The following RAB6A variants were observed in gnomAD, a reference collection of about 807,000 sequenced individuals.
RAB6A encodes the protein ras-related protein Rab-6A.
Under a neutral mutation model 32.3 loss-of-function variants are expected in RAB6A, and 8 were observed. The observed-to-expected ratio is 0.25, with a 90% CI of 0.15 to 0.45. The LOEUF (loss-of-function observed/expected upper bound fraction) is 0.45. Among genes scored for constraint, RAB6A ranks in the 20% least tolerant of loss-of-function variants. The probability of loss-of-function intolerance (pLI) is 1.00; values close to 1 mark genes in which losing one functional copy is unlikely to be tolerated. For synonymous variants in RAB6A, 73 were observed against 82.1 expected (o/e 0.89, Z 0.60); for missense variants, 104 against 249.4 (o/e 0.42, Z 3.93).
intron 5 of RAB6A, among the ~76,000 whole-genome samples, chr11:73,709,963 T>TA (rs200611952): frequency 0.27 from 13,152 of 49,404 alleles, 697 homozygotes; most frequent in South Asian, 0.49. Flanking sequence ...ATATATATAT[T>TA]TTTTTTTTTT....
chr11:73,735,833 A>G (rs1204609529), intron 1 of RAB6A, among the ~76,000 whole-genome samples: 1 of 151,646 alleles, frequency 6.6e-6, no homozygotes, highest in Non-Finnish European at 1.5e-5. Flanking sequence ...TTTTGCTGCT[A>G]ATATCAAACC....
intron 1 of RAB6A, among the ~76,000 whole-genome samples, chr11:73,736,590 G>T (rs1479453114): frequency 6.6e-6 from 1 of 151,132 alleles, no homozygotes; most frequent in Non-Finnish European, 1.5e-5. Context: ...TCAGGAGTTT[G>T]AGACCAGCCT....
chr11:73,729,133 C>CT (rs1946267558), intron 2 of RAB6A, among the ~76,000 whole-genome samples: 3 of 152,146 alleles, frequency 2.0e-5, no homozygotes, highest in Admixed American at 2.0e-4. Context: ...GAGTCTCACT[C>CT]TGTCACCCAG....
chr11:73,717,577 T>G (rs1407321215), intron 4 of RAB6A, among the ~76,000 whole-genome samples: 4 of 152,196 alleles, frequency 2.6e-5, no homozygotes, highest in Admixed American at 6.6e-5. Context: ...CTCAAGTAGC[T>G]GGGATTACAG....
In RAB6A at chr11:73,760,639, G is replaced by A; in HGVS notation, c.-4C>T. On this transcript the variant is annotated 5_prime_UTR_variant, in exon 1 of 8. Transcript: ENST00000336083. Reference sequence around the variant, plus strand: ...CGAAGTCTCCGCCCGTGGACATTGTGGAACTAGAGGAGCGGCCGCCGCCTC... The same window carrying A: ...CGAAGTCTCCGCCCGTGGACATTGTAGAACTAGAGGAGCGGCCGCCGCCTC... The A allele has an allele frequency of 1.2e-6, 2 of 1,607,874 alleles. No homozygotes were observed. The highest frequency in any genetic ancestry group is 8.5e-7 in the Non-Finnish European group (1 of 1,177,450).
chr11:73,701,267 G>T (rs1945741280), intron 6 of RAB6A, among the ~76,000 whole-genome samples: 1 of 152,130 alleles, frequency 6.6e-6, no homozygotes. Context: ...CAAATAAAAT[G>T]AGTACAATCA....
chr11:73,685,885 CAAAAAAAAAAAA>C (rs56270679), intron 6 of RAB6A, among the ~76,000 whole-genome samples: 2 of 103,004 alleles, frequency 1.9e-5, no homozygotes, highest in Non-Finnish European at 1.8e-5. Context: ...AACTCCGTCT[CAAAAAAAAAAAA>C]AAAAAAAAAA....
chr11:73,752,151 T>C lies in RAB6A; in HGVS notation c.70+8415A>G, dbSNP rs1946678679. On this transcript the variant is annotated intron_variant, in intron 1 of 7. Coordinates refer to ENST00000336083, the MANE Select transcript of RAB6A (RefSeq NM_198896.2). ...TCAAAATGACAAGAAAAGGTAAAAA[T>C]TGGGAATTAAAAAGATGCTACAGAA... is the stretch of plus-strand genomic sequence containing the variant. Among the ~76,000 whole-genome samples, 6 of 152,028 alleles carry C rather than the reference T, an allele frequency of 3.9e-5. No individual in the cohort carries two copies. In the South Asian group the frequency reaches 1.2e-3, roughly 32 times the overall value.
intron 2 of RAB6A, chr11:73,729,874 C>A (rs547622747): frequency 2.8e-4 from 43 of 153,162 alleles, no homozygotes; most frequent in African/African-American, 9.9e-4. Flanking sequence ...CCCAGAACCC[C>A]TGAAATTATC....
At chr11:73,755,856 G>A (rs1355755400) in intron 1 of RAB6A, among the ~76,000 whole-genome samples, 2 of 110,002 alleles carry the variant, frequency 1.8e-5, no homozygotes, top group East Asian at 6.4e-4. Context: ...AAGAAGAGGA[G>A]GAGGAGGAAG....
At chr11:73,754,930 TA>T (rs1263729438) in intron 1 of RAB6A, among the ~76,000 whole-genome samples, 2 of 151,818 alleles carry the variant, frequency 1.3e-5, no homozygotes, top group East Asian at 3.9e-4. Flanking sequence ...TTATTATTAT[TA>T]TTATTTTTTT....
At chr11:73,753,828 A>G (rs1183002844) in intron 1 of RAB6A, among the ~76,000 whole-genome samples, 1 of 152,202 alleles carries the variant, frequency 6.6e-6, no homozygotes, top group East Asian at 1.9e-4. Context: ...TCTACTTTTA[A>G]AAGCAGTGGC....
chr11:73,758,469 T>A (rs1946794267), intron 1 of RAB6A, among the ~76,000 whole-genome samples: 1 of 152,018 alleles, frequency 6.6e-6, no homozygotes, highest in Non-Finnish European at 1.5e-5. Context: ...TTTCTGTAAG[T>A]CTAAAACTGT....
At chr11:73,736,240 C>T (rs1228697419) in intron 1 of RAB6A, among the ~76,000 whole-genome samples, 1 of 151,658 alleles carries the variant, frequency 6.6e-6, no homozygotes, top group Non-Finnish European at 1.5e-5. Flanking sequence ...ATCAGCCTGG[C>T]CAACATGGTG....
chr11:73,724,483 C>T (rs989684758), intron 2 of RAB6A, among the ~76,000 whole-genome samples: 17 of 137,724 alleles, frequency 1.2e-4, no homozygotes, highest in African/African-American at 4.3e-4. Flanking sequence ...AAATGCATTT[C>T]GTTTTTTTTT....
intron 1 of RAB6A, among the ~76,000 whole-genome samples, chr11:73,751,097 G>GC (rs958813064): frequency 1.1e-4 from 17 of 151,938 alleles, no homozygotes; most frequent in African/African-American, 3.9e-4. Context: ...GAGTCACCAT[G>GC]CCCCCCGGCC....
intron 6 of RAB6A, among the ~76,000 whole-genome samples, chr11:73,687,047 A>G (rs1483883046): frequency 6.6e-6 from 1 of 152,080 alleles, no homozygotes; most frequent in Non-Finnish European, 1.5e-5. Context: ...ATTCTGCCTT[A>G]AAAAGGAAAG....
intron 2 of RAB6A, among the ~76,000 whole-genome samples, chr11:73,728,421 C>A (rs1461914599): frequency 6.6e-6 from 1 of 151,786 alleles, no homozygotes; most frequent in East Asian, 1.9e-4. Context: ...GTGATTTTGT[C>A]CTTTATTTTA....
intron 1 of RAB6A, among the ~76,000 whole-genome samples, chr11:73,731,731 T>TAC (rs148400595): frequency 0.012 from 206 of 16,906 alleles, 1 homozygote; most frequent in African/African-American, 0.014. Flanking sequence ...TATATATATA[T>TAC]ACACACACAC....
Sources: gnomAD v4.1 joint callset for allele counts (sites outside exome capture counted in the v4.1 genomes callset) on GRCh38, gnomAD v4.1.1 for gene constraint, MANE v1.5 for transcripts, NCBI Gene and HGNC (gene_info 2026-07-23, HGNC 2026-07-21) for gene names.